MTR: variants seen among roughly 807,000 people sequenced by gnomAD.
MTR encodes 5-methyltetrahydrofolate-homocysteine methyltransferase, also known as methionine synthase.
MTR carries 84 observed loss-of-function variants against 154.8 expected under a neutral mutation model. The observed-to-expected ratio is 0.54, with a 90% confidence interval of 0.45 to 0.65. MTR has a LOEUF of 0.65. Ranked by LOEUF, MTR falls within the 30% of genes least tolerant of loss-of-function variation. MTR has a pLI of 0.00. For synonymous variants in MTR, 554 were observed against 553.9 expected, an observed-to-expected ratio of 1.00 and a Z score of 0.00; for missense variants, 1,275 against 1,570.2, an observed-to-expected ratio of 0.81 and a Z score of 3.18.
Position 236,795,326 on chromosome 1 carries a change from T to G in MTR, c.-378T>G. The G allele has an allele frequency of 3.1e-6, 4 of 1,281,112 alleles. No homozygotes were observed. Among genetic ancestry groups the G allele is most frequent in the Non-Finnish European group, 4.0e-6 (4 of 988,974 alleles). The allele number at this position is 1,281,112 out of a possible 1,614,324, so 79.4% of individuals were successfully genotyped here. A position where few individuals can be genotyped will look rare whatever the true frequency, so the allele number is the denominator to read the frequency against. On this transcript the variant is annotated 5_prime_UTR_variant, in exon 1 of 33. Coordinates refer to ENST00000366577, the MANE Select transcript of MTR (RefSeq NM_000254.3). ...CGCGCTCTGAAAGGTTCTAAATGTC[T>G]GCGGGGCTCAGAGCCGGATGTCACG...
chr1:236,820,566 G>A, intron 8 of MTR: 1 of 567,910 alleles, frequency 1.8e-6, no homozygotes, highest in East Asian at 3.1e-5. Flanking sequence ...TAAGGCTGAT[G>A]GAAAATAAGC....
At chr1:236,850,766 A>T (rs534100855) in intron 16 of MTR, among the ~76,000 whole-genome samples, 8 of 152,280 alleles carry the variant, frequency 5.3e-5, no homozygotes, top group African/African-American at 1.9e-4. Context: ...AGGAGGGTGG[A>T]GGTTGCATTG....
intron 24 of MTR, among the ~76,000 whole-genome samples, chr1:236,877,770 G>T (rs999186470): frequency 1.3e-5 from 2 of 152,146 alleles, no homozygotes; most frequent in African/African-American, 2.4e-5. Flanking sequence ...CCAGATCATA[G>T]GATATGCCTA....
intron 27 of MTR, among the ~76,000 whole-genome samples, chr1:236,888,465 A>T (rs1259288356): frequency 6.6e-6 from 1 of 152,252 alleles, no homozygotes; most frequent in African/African-American, 2.4e-5. Flanking sequence ...TTAAACATCC[A>T]CGTATACCCA....
intron 5 of MTR, chr1:236,811,650 C>T (rs1661309936): frequency 4.4e-6 from 2 of 456,086 alleles, no homozygotes; most frequent in African/African-American, 2.0e-5. Context: ...TCTAGACCTG[C>T]CAGTGGGGAG....
chr1:236,874,697 CCTT>C, intron 23 of MTR, 26 bp from the exon 24 acceptor site: 1 of 1,399,574 alleles, frequency 7.1e-7, no homozygotes, highest in African/African-American at 2.3e-5. Flanking sequence ...TCCTTTTTGT[CCTT>C]TTTTTTTTAA....
At chr1:236,894,317 A>T in intron 29 of MTR, 40 bp from the exon 30 acceptor site, 1 of 1,603,760 alleles carries the variant, frequency 6.2e-7, no homozygotes, top group Non-Finnish European at 8.5e-7. Flanking sequence ...CGTTCTTGCT[A>T]ACGGCGCCCC....
chr1:236,891,440 A>G (rs1264248319), intron 29 of MTR, 111 bp downstream of exon 29: 2 of 1,123,372 alleles, frequency 1.8e-6, no homozygotes, highest in East Asian at 2.5e-5. Flanking sequence ...CCAAATGACC[A>G]ATCACATGCC....
chr1:236,887,473 A>G (rs932753579), intron 27 of MTR, among the ~76,000 whole-genome samples: 1 of 152,238 alleles, frequency 6.6e-6, no homozygotes, highest in Non-Finnish European at 1.5e-5. Flanking sequence ...GAAAAAATAT[A>G]AATTGCTGTA....
intron 6 of MTR, among the ~76,000 whole-genome samples, chr1:236,813,270 T>A (rs931870412): frequency 6.6e-6 from 1 of 152,184 alleles, no homozygotes; most frequent in African/African-American, 2.4e-5. Context: ...GATATAGGCA[T>A]GTGTGTATGT....
chr1:236,853,433 C>T (rs1664033385), intron 18 of MTR, among the ~76,000 whole-genome samples: 1 of 152,154 alleles, frequency 6.6e-6, no homozygotes, highest in African/African-American at 2.4e-5. Flanking sequence ...AATCCTACCA[C>T]CCAAAGTTAA....
At chr1:236,859,536 C>G (rs1243418909) in intron 18 of MTR, among the ~76,000 whole-genome samples, 1 of 152,146 alleles carries the variant, frequency 6.6e-6, no homozygotes, top group Non-Finnish European at 1.5e-5. Flanking sequence ...TATAGCTTCT[C>G]TTACTGTCCT....
At chr1:236,804,222 G>A (rs1379074216) in intron 2 of MTR, among the ~76,000 whole-genome samples, 1 of 152,146 alleles carries the variant, frequency 6.6e-6, no homozygotes, top group African/African-American at 2.4e-5. Context: ...TGTTCTCAAT[G>A]TTTGTGTCCC....
rs1558355109 is a variant in MTR at position 236,900,592 on chromosome 1, T to G, written c.*2948T>G. 6.6e-6 allele frequency: 1 copy of G among 152,200 alleles called. No homozygotes were observed. Among genetic ancestry groups the G allele is most frequent in the African/African-American group, 2.4e-5 (1 of 41,444 alleles). The allele number at this position is 152,200 out of a possible 1,614,324, so 9.4% of individuals were successfully genotyped here. On this transcript the variant is annotated 3_prime_UTR_variant, in exon 33 of 33. Coordinates refer to ENST00000366577, the MANE Select transcript of MTR (RefSeq NM_000254.3). ...TACATTATACTTTATAACTAATAGA[T>G]AACAGTTTTTTACATATTAAATATG... is the stretch of plus-strand genomic sequence containing the variant.
At chr1:236,848,653 C>T (rs1572258885) in intron 15 of MTR, among the ~76,000 whole-genome samples, 1 of 152,212 alleles carries the variant, frequency 6.6e-6, no homozygotes, top group Non-Finnish European at 1.5e-5. Context: ...TCCCTAAAGC[C>T]TGGGTGCAGT....
chr1:236,856,907 A>G (rs1018547708), intron 18 of MTR, among the ~76,000 whole-genome samples: 1 of 152,170 alleles, frequency 6.6e-6, no homozygotes, highest in Admixed American at 6.6e-5. Flanking sequence ...TATATGTGCC[A>G]CATTTTCTTT....
intron 11 of MTR, among the ~76,000 whole-genome samples, chr1:236,827,242 A>C (rs1044370843): frequency 6.6e-6 from 1 of 151,742 alleles, no homozygotes; most frequent in Non-Finnish European, 1.5e-5. Flanking sequence ...ACCCTGCCTG[A>C]CGCCTTCAAC....
In MTR at chr1:236,895,552, T is replaced by C; in HGVS notation, c.3598+2T>C. ...TCGCAGACATCGAGCAGTCTACAGG[T>C]AGGAGCCAGGAGGCTGCGGGTTCCT... On this transcript the variant is annotated splice_donor_variant, in intron 31 of 32. Coordinates refer to ENST00000366577, the MANE Select transcript of MTR (RefSeq NM_000254.3). LOFTEE classifies it high-confidence loss of function. 1 of 1,565,382 alleles carries C rather than the reference T, an allele frequency of 6.4e-7. No individual in the cohort carries two copies. Among genetic ancestry groups the C allele is most frequent in the Non-Finnish European group, 8.7e-7 (1 of 1,153,992 alleles).
intron 25 of MTR, among the ~76,000 whole-genome samples, chr1:236,881,563 A>T (rs1211008847): frequency 2.0e-5 from 3 of 152,004 alleles, no homozygotes; most frequent in Non-Finnish European, 4.4e-5. Flanking sequence ...CCTAGTGTCC[A>T]TCAAAAGAGC....
Sources: gnomAD v4.1 joint callset for allele counts (sites outside exome capture counted in the v4.1 genomes callset) on GRCh38, gnomAD v4.1.1 for gene constraint, MANE v1.5 for transcripts, NCBI Gene and HGNC (gene_info 2026-07-23, HGNC 2026-07-21) for gene names.